Variants in ADAMTS10 observed in about 807,000 individuals in gnomAD.
The protein encoded by ADAMTS10 is A disintegrin and metalloproteinase with thrombospondin motifs 10.
In ADAMTS10, 48 loss-of-function variants were observed where a neutral mutation model predicts 135.9. The ratio of observed to expected loss-of-function variants is 0.35; its 90% CI spans 0.28 to 0.45. ADAMTS10 has a LOEUF of 0.45. Ranked by LOEUF, ADAMTS10 falls within the 20% of genes least tolerant of loss-of-function variation. ADAMTS10 has a pLI of 1.00. For synonymous variants in ADAMTS10, 621 were observed against 647.5 expected, an observed-to-expected ratio of 0.96 and a Z score of 0.62; for missense variants, 1,131 against 1,565.2, an observed-to-expected ratio of 0.72 and a Z score of 4.68.
rs2042673401 is a variant in ADAMTS10, at chr19:8,601,944, G to C, written c.593-799C>G. On this transcript the variant is annotated intron_variant, in intron 5 of 25. Coordinates refer to ENST00000597188, the MANE Select transcript of ADAMTS10 (RefSeq NM_030957.4). This position sits in a 1 kb window ranked among gnomAD's most constrained non-coding sequence, Gnocchi z 4.6. The stretch of plus-strand genomic sequence containing the variant: ...CTGGTTGGTTGAATCACTGTCCCAT[G>C]ATGACCAGCATGATTGTACAATCCA... 1.3e-5 allele frequency among the ~76,000 whole-genome samples: 2 copies of C among 152,166 alleles called. No homozygotes were observed. Among genetic ancestry groups the C allele is most frequent in the Non-Finnish European group, 2.9e-5 (2 of 68,030 alleles).
intron 25 of ADAMTS10, chr19:8,581,490 G>C (rs1432013675): frequency 6.5e-6 from 1 of 153,004 alleles, no homozygotes; most frequent in Non-Finnish European, 1.5e-5. Flanking sequence ...AGGAGTTTGA[G>C]ACCAGCCTGG....
chr19:8,600,254 A>G (rs782197937), intron 6 of ADAMTS10, among the ~76,000 whole-genome samples: 2 of 152,206 alleles, frequency 1.3e-5, no homozygotes, highest in Non-Finnish European at 2.9e-5. Context: ...ACAGATAGGT[A>G]AGACAAGGCA....
intron 4 of ADAMTS10, 106 bp downstream of exon 4, chr19:8,604,906 A>C: frequency 7.7e-7 from 1 of 1,302,202 alleles, no homozygotes; most frequent in Admixed American, 2.0e-5. Context: ...AAAACACTTA[A>C]AAAACATCCC....
At position 8,595,769 on chromosome 19, in the gene ADAMTS10, T is replaced by C; in HGVS notation, c.1472A>G (p.Lys491Arg). ...CAGGAAGACTCTCTCTACCCCGTAT[T>C]TACACTGACGCGATTTGACTCCATG... Reference protein sequence around the residue: ...FQHGVKSRQCKYGEVCSELWC... With the variant: ...FQHGVKSRQCRYGEVCSELWC... Residue 491 changes from lysine to arginine, a missense_variant, in exon 12 of 26, where the codon AAA becomes AGA. Lys to Arg is a conservative substitution (Grantham distance 26, BLOSUM62 2). Coordinates refer to ENST00000597188, the MANE Select transcript of ADAMTS10 (RefSeq NM_030957.4). 6.2e-7 allele frequency: 1 copy of C among 1,613,694 alleles called. No individual in the cohort carries two copies. Among genetic ancestry groups the C allele is most frequent in the Non-Finnish European group, 8.5e-7 (1 of 1,179,834 alleles).
intron 21 of ADAMTS10, 26 bp downstream of exon 21, chr19:8,586,318 G>A (rs372601064): frequency 6.2e-7 from 1 of 1,613,392 alleles, no homozygotes; most frequent in Non-Finnish European, 8.5e-7. Context: ...CAGGTATCTT[G>A]TGCCTTCCCC....
chr19:8,604,877 C>A (rs2042702290), intron 4 of ADAMTS10, 135 bp downstream of exon 4: 1 of 1,008,228 alleles, frequency 9.9e-7, no homozygotes, highest in African/African-American at 1.6e-5. Context: ...AGCTGCATCC[C>A]CAAAGCACTG....
intron 18 of ADAMTS10, among the ~76,000 whole-genome samples, chr19:8,588,086 TA>T (rs1391226622): frequency 6.6e-6 from 1 of 151,312 alleles, no homozygotes; most frequent in Middle Eastern, 3.2e-3. Context: ...CCATCTCTTC[TA>T]AAGATACAAA....
In ADAMTS10 at chr19:8,586,141, T is replaced by A; in HGVS notation, c.2641A>T (p.Thr881Ser). 2.5e-6 allele frequency: 4 copies of A among 1,613,228 alleles called. No homozygotes were observed. Among genetic ancestry groups the A allele is most frequent in the Non-Finnish European group, 3.4e-6 (4 of 1,180,012 alleles). Residue 881 changes from threonine to serine, a missense_variant, in exon 22 of 26, where the codon ACG becomes TCG. By Grantham distance (58) the Thr-to-Ser change is moderately conservative (BLOSUM62 1). Transcript: ENST00000597188. The part of the protein sequence containing the change: ...KLPKRQRACN[T>S]EPCPPDWVVG... ...ACTCACTCTGGAGGGCAAGGCTCCG[T>A]GTTGCAGGCGCGCTGCCTTTTGGGC...
chr19:8,595,701 C>CG, intron 12 of ADAMTS10, 61 bp downstream of exon 12: 31 of 1,341,828 alleles, frequency 2.3e-5, no homozygotes, highest in Non-Finnish European at 2.9e-5. Context: ...GTGGAGTTCC[C>CG]TCCCCCAGCC....
At chr19:8,594,214 C>A (rs1293086577) in intron 12 of ADAMTS10, among the ~76,000 whole-genome samples, 1 of 152,168 alleles carries the variant, frequency 6.6e-6, no homozygotes, top group African/African-American at 2.4e-5. Flanking sequence ...CTCAATTCTG[C>A]TACCAACTTG....
intron 1 of ADAMTS10, among the ~76,000 whole-genome samples, chr19:8,608,870 G>C (rs1041885722): frequency 8.6e-5 from 13 of 151,884 alleles, no homozygotes; most frequent in African/African-American, 2.9e-4. Context: ...GGTGAGGACA[G>C]GGGAAGGGGA....
intron 15 of ADAMTS10, among the ~76,000 whole-genome samples, chr19:8,590,946 G>A (rs1356521107): frequency 2.6e-5 from 4 of 152,184 alleles, no homozygotes; most frequent in Admixed American, 6.5e-5. Context: ...AGGGTTTATA[G>A]AAAGTGCTAG....
Position 8,585,636 on chromosome 19 carries a change from G to C in ADAMTS10, c.2685C>G (p.Leu895=), listed in dbSNP as rs2146040280. 6.2e-7 allele frequency: 1 copy of C among 1,612,180 alleles called. No individual in the cohort carries two copies. The highest frequency in any genetic ancestry group is 2.2e-5 in the East Asian group (1 of 44,854). The change falls in exon 23 of 26, where the codon CTC becomes CTG. Residue 895 remains leucine, a synonymous_variant. Transcript: ENST00000597188. ...CGCCTGCATCGCAGCTGCGGCTGCA[G>C]AGCGACCAGTTCCCTACAACCCAGC... ...PPDWVVGNWS[L]CSRSCDAGVR...
intron 25 of ADAMTS10, among the ~76,000 whole-genome samples, chr19:8,582,993 AGGC>A (rs1555736111): frequency 6.6e-6 from 1 of 152,070 alleles, no homozygotes; most frequent in African/African-American, 2.4e-5. Context: ...TATGTCTCTC[AGGC>A]TGGTCTCCAA....
rs191096664 is a variant in ADAMTS10, at chr19:8,589,719, G to A, written c.1901-134C>T. On this transcript the variant is annotated intron_variant, in intron 16 of 25. Coordinates refer to ENST00000597188, the MANE Select transcript of ADAMTS10 (RefSeq NM_030957.4). ...GGCAGCTTGGGCAGAGGGAGTGGGG[G>A]CTCCCAGCGTCACGTTGAACCCCCA... 7,020 of 1,468,916 alleles carry A rather than the reference G, an allele frequency of 4.8e-3. 34 individuals are homozygous for A. Among genetic ancestry groups the A allele is most frequent in the Middle Eastern group, 0.044 (207 of 4,690 alleles). 91.0% of individuals were successfully genotyped at this position (1,468,916 alleles called of 1,614,324 possible).
intron 18 of ADAMTS10, 70 bp from the exon 19 acceptor site, chr19:8,586,966 G>C: frequency 6.6e-7 from 1 of 1,508,684 alleles, no homozygotes; most frequent in Non-Finnish European, 9.2e-7. Flanking sequence ...CCTGTCCCCG[G>C]CCCATGAGGA....
Position 8,591,767 on chromosome 19 carries a change from C to A in ADAMTS10, c.1797+33G>T, listed in dbSNP as rs1555738949. 8 of 1,612,288 alleles carry A rather than the reference C, an allele frequency of 5.0e-6. No individual in the cohort carries two copies. The South Asian group carries it at 6.6e-5, about 13-fold the overall frequency. ...TGATAGCTGTTTTTAATGCTTCCTC[C>A]CCCCACCCCTCAAGGGGTTTGGGGG... On this transcript the variant is annotated intron_variant, in intron 15 of 25. Transcript: ENST00000597188.
chr19:8,582,212 G>A (rs2042362114), intron 25 of ADAMTS10, among the ~76,000 whole-genome samples: 1 of 152,200 alleles, frequency 6.6e-6, no homozygotes, highest in Non-Finnish European at 1.5e-5. Context: ...GCTCACGCCT[G>A]TAATCACAGC....
chr19:8,598,292 A>G (rs1409430053), intron 6 of ADAMTS10, among the ~76,000 whole-genome samples: 2 of 151,334 alleles, frequency 1.3e-5, no homozygotes, highest in Admixed American at 6.6e-5. Flanking sequence ...TTGTCCCCCA[A>G]CCCCTGCTTA....
Sources: gnomAD v4.1 joint callset for allele counts (sites outside exome capture counted in the v4.1 genomes callset) on GRCh38, gnomAD v4.1.1 for gene constraint, Gnocchi (gnomAD v3.1) non-coding constraint, MANE v1.5 for transcripts, NCBI Gene and HGNC (gene_info 2026-07-23, HGNC 2026-07-21) for gene names.